FCRLB: variants seen among roughly 807,000 people sequenced by gnomAD.
The protein encoded by FCRLB is Fc receptor like B.
FCRLB carries 34 observed loss-of-function variants against 33.6 expected under a neutral mutation model. That is an observed-to-expected ratio of 1.01 (90% CI 0.77 to 1.35). The LOEUF is 1.35. Among genes scored for constraint, FCRLB ranks in the 40% most tolerant of loss-of-function variants. FCRLB has a pLI of 0.00. For synonymous variants in FCRLB, 280 were observed against 255.9 expected (o/e 1.09, Z -0.90); for missense variants, 560 against 580.2 (o/e 0.97, Z 0.36).
chr1:161,723,408 A>G, exon 5 of FCRLB: 1 of 1,614,090 alleles, frequency 6.2e-7, no homozygotes, highest in South Asian at 1.1e-5. Flanking sequence ...TCCACCTTGG[A>G]CCACCATCTT....
At chr1:161,727,480 C>T in exon 8 of FCRLB, 2 of 1,614,126 alleles carry the variant, frequency 1.2e-6, no homozygotes, top group Non-Finnish European at 1.7e-6. Context: ...GGCTGGAGCC[C>T]TGAAACCCGA....
At position 161,727,124 on chromosome 1, in the gene FCRLB, G is replaced by A. The variant is rs550028600; in HGVS notation, c.866-123G>A. On this transcript the variant is annotated intron_variant, in intron 7 of 7. Transcript: ENST00000367948. Reference sequence around the variant, plus strand: ...CCGCCTTTCCCATCTCCCCTTCGCCGCCCTCCTCCTCACCCCTCTTCCGGC... The same window carrying A: ...CCGCCTTTCCCATCTCCCCTTCGCCACCCTCCTCCTCACCCCTCTTCCGGC... 99 of 891,630 alleles carry A rather than the reference G, an allele frequency of 1.1e-4. No homozygotes were observed. In the African/African-American group the frequency reaches 2.0e-3, roughly 18 times the overall value. The allele number at this position is 891,630 out of a possible 1,614,324, so 55.2% of individuals were successfully genotyped here.
chr1:161,726,657 G>C lies in FCRLB; in HGVS notation c.575-46G>C. 6.4e-7 allele frequency: 1 copy of C among 1,554,978 alleles called. No homozygotes were observed. Among genetic ancestry groups the C allele is most frequent in the Non-Finnish European group, 8.6e-7 (1 of 1,157,574 alleles). ...GGGAAGCAGGAAGGAGCGGGGTCGC[G>C]GAGCGGTGGACAAGCCGGCGCCGTT... On this transcript the variant is annotated intron_variant, in intron 6 of 7. Transcript: ENST00000367948. The surrounding 1 kb of genome is among the most constrained non-coding windows in gnomAD (Gnocchi z 5.2).
intron 7 of FCRLB, 60 bp downstream of exon 7, chr1:161,727,053 T>C: frequency 7.0e-7 from 1 of 1,426,834 alleles, no homozygotes; most frequent in Non-Finnish European, 9.2e-7. Context: ...CTTCCGCCTC[T>C]CGGCACCCAC....
exon 5 of FCRLB, chr1:161,723,369 A>G (rs775907325): frequency 6.2e-7 from 1 of 1,613,730 alleles, no homozygotes; most frequent in Non-Finnish European, 8.5e-7. Context: ...CACCCCAGCT[A>G]CTCTGGAGAA....
intron 5 of FCRLB, among the ~76,000 whole-genome samples, chr1:161,725,366 C>A (rs1683504427): frequency 6.6e-6 from 1 of 152,200 alleles, no homozygotes; most frequent in Non-Finnish European, 1.5e-5. Context: ...GGAGGCCAGG[C>A]CCGGTGGCTC....
intron 5 of FCRLB, 93 bp from the exon 6 acceptor site, chr1:161,725,728 G>A (rs969114429): frequency 6.9e-7 from 1 of 1,451,678 alleles, no homozygotes; most frequent in African/African-American, 1.4e-5. Flanking sequence ...AGGGAGAGGA[G>A]TTAAGAGGAG....
Position 161,726,025 on chromosome 1 carries a change from C to G in FCRLB, c.512C>G (p.Thr171Ser), listed in dbSNP as rs750758965. The G allele has an allele frequency of 6.2e-6, 10 of 1,613,748 alleles. No homozygotes were observed. Among genetic ancestry groups the G allele is most frequent in the Non-Finnish European group, 8.5e-6 (10 of 1,179,816 alleles). Residue 171 changes from threonine (T) to serine (S), a missense_variant, in exon 6 of 8, where the codon ACC becomes AGC. Transcript: ENST00000367948. The surrounding 1 kb of genome is among the most constrained non-coding windows in gnomAD (Gnocchi z 5.2). The stretch of plus-strand genomic sequence containing the variant: ...AGCGGGCGCTACCAGTGCTCGGGCA[C>G]CATGCGCATCCCGGTGGAGAGCGCG...
In FCRLB at chr1:161,722,677, GGCCACTGACA is replaced by G; in HGVS notation, c.9_18del (p.Leu4PhefsTer34). 1 of 1,614,090 alleles carries G rather than the reference GGCCACTGACA, an allele frequency of 6.2e-7. No individual in the cohort carries two copies. The highest frequency in any genetic ancestry group is 8.5e-7 in the Non-Finnish European group (1 of 1,179,960). On this transcript the variant is annotated frameshift_variant, in exon 3 of 8. Coordinates refer to ENST00000367948, the Ensembl canonical transcript of FCRLB. LOFTEE classifies it high-confidence loss of function. ...GCTGCTGCAGTCAGATCCATCATGT[GGCCACTGACA>G]GCCCTTCTGCTCCTGGGTGAGTCCA...
intron 4 of FCRLB, 29 bp from the exon 5 acceptor site, chr1:161,723,338 G>GCC (rs1683435411): frequency 6.2e-7 from 1 of 1,607,964 alleles, no homozygotes; most frequent in Non-Finnish European, 8.5e-7. Flanking sequence ...TTTGCATGCT[G>GCC]CCCCCTCTCA....
exon 8 of FCRLB, chr1:161,727,720 C>T: frequency 6.7e-7 from 1 of 1,497,446 alleles, no homozygotes; most frequent in Non-Finnish European, 8.9e-7. Flanking sequence ...TGCTTCCCCT[C>T]ACGCGAATTT....
At chr1:161,721,693 C>CT (rs1683381536) in intron 1 of FCRLB, 32 bp downstream of exon 1, 1 of 152,256 alleles carries the variant, frequency 6.6e-6, no homozygotes. Context: ...AGGAGACACA[C>CT]TATCAGGCTG....
intron 2 of FCRLB, among the ~76,000 whole-genome samples, chr1:161,722,207 A>G (rs753490219): frequency 3.3e-5 from 5 of 152,160 alleles, no homozygotes; most frequent in Non-Finnish European, 5.9e-5. Context: ...GTCTGTCATC[A>G]GGAGTGAGCA....
Position 161,727,574 on chromosome 1 carries a change from T to G in FCRLB, c.1193T>G (p.Leu398Arg), listed in dbSNP as rs1683642012. The G allele has an allele frequency of 1.9e-6, 3 of 1,614,114 alleles. No homozygotes were observed. Among genetic ancestry groups the G allele is most frequent in the Non-Finnish European group, 2.5e-6 (3 of 1,180,024 alleles). Reference sequence around the variant, plus strand: ...CTGGAATTAAAGGAGCCACAGGCCCTCCGGGAGCTCAGGGGAACGCCCGAG... The same window carrying G: ...CTGGAATTAAAGGAGCCACAGGCCCGCCGGGAGCTCAGGGGAACGCCCGAG... Residue 398 changes from leucine to arginine, a missense_variant, in exon 8 of 8, where the codon CTC (leucine) becomes CGC (arginine). By Grantham distance (102) the Leu-to-Arg change is moderately radical. Coordinates refer to ENST00000367948, the Ensembl canonical transcript of FCRLB.
rs1374504052 is a variant in FCRLB, at chr1:161,726,496, C to A, written c.575-207C>A. The A allele has an allele frequency of 1.3e-6, 1 of 787,878 alleles. No homozygotes were observed. Among genetic ancestry groups the A allele is most frequent in the East Asian group, 2.7e-5 (1 of 37,596 alleles). The allele number at this position is 787,878 out of a possible 1,614,324, so 48.8% of individuals were successfully genotyped here. A position where few individuals can be genotyped will look rare whatever the true frequency, so the allele number is the denominator to read the frequency against. ...TGAAGCGTCTGGCCTGGTCCCTCTT[C>A]CTTTCAAGCTTTCCCCGTCCCTCGT... is the stretch of plus-strand genomic sequence containing the variant. On this transcript the variant is annotated intron_variant, in intron 6 of 7. Transcript: ENST00000367948. This position sits in a 1 kb window ranked among gnomAD's most constrained non-coding sequence, Gnocchi z 5.2.
At chr1:161,727,886 C>T (rs1004845312) in exon 8 of FCRLB, 4 of 551,832 alleles carry the variant, frequency 7.2e-6, no homozygotes, top group Non-Finnish European at 9.5e-6. Flanking sequence ...AAGTAGAAAC[C>T]TGTTATTTAC....
Position 161,726,136 on chromosome 1 carries a change from A to G in FCRLB, c.574+49A>G. The G allele has an allele frequency of 6.2e-7, 1 of 1,609,480 alleles. No individual in the cohort carries two copies. Among genetic ancestry groups the G allele is most frequent in the Non-Finnish European group, 8.5e-7 (1 of 1,176,866 alleles). On this transcript the variant is annotated intron_variant, in intron 6 of 7. Coordinates refer to ENST00000367948, the Ensembl canonical transcript of FCRLB. This position sits in a 1 kb window ranked among gnomAD's most constrained non-coding sequence, Gnocchi z 5.2. ...GAGGGAGGCAAATGAGCATTGAGAA[A>G]TTCTGGGACAGGAGCTCGGCGAGAA... is the stretch of plus-strand genomic sequence containing the variant.
intron 1 of FCRLB, 30 bp downstream of exon 1, chr1:161,721,691 C>T (rs967136711): frequency 6.6e-6 from 1 of 152,198 alleles, no homozygotes; most frequent in Admixed American, 6.5e-5. Flanking sequence ...CAAGGAGACA[C>T]ACTATCAGGC....
At chr1:161,721,644 G>C (rs867935038) in exon 1 of FCRLB, 1 of 152,126 alleles carries the variant, frequency 6.6e-6, no homozygotes, top group Admixed American at 6.5e-5. Flanking sequence ...AAGGTGCCCC[G>C]GTTCTAAACA....
Sources: allele counts gnomAD v4.1 joint callset (sites outside exome capture counted in the v4.1 genomes callset), GRCh38; gene constraint gnomAD v4.1.1; non-coding constraint Gnocchi (gnomAD v3.1); transcripts MANE v1.5; gene names NCBI Gene and HGNC (gene_info 2026-07-23, HGNC 2026-07-21).